TTLL7: variants seen among roughly 807,000 people sequenced by gnomAD.
TTLL7 encodes tubulin tyrosine ligase like 7.
Under a neutral mutation model 120.2 loss-of-function variants are expected in TTLL7, and 53 were observed. The observed-to-expected ratio is 0.44, with a 90% CI of 0.35 to 0.55. TTLL7 has a LOEUF of 0.55. TTLL7 is among the 20% of genes least tolerant of loss of function. The pLI is 0.00. For missense variants in TTLL7, 803 were observed against 1,054.7 expected (o/e 0.76, Z 3.31); for synonymous variants, 353 against 351.7 (o/e 1.00, Z -0.04).
chr1:83,941,601 T>G (rs1026109120), intron 7 of TTLL7, among the ~76,000 whole-genome samples: 1 of 152,146 alleles, frequency 6.6e-6, no homozygotes, highest in African/African-American at 2.4e-5. Context: ...GTGCATAATA[T>G]TAGGGGAAAA....
intron 1 of TTLL7, among the ~76,000 whole-genome samples, chr1:83,978,645 T>G (rs1415561158): frequency 6.6e-6 from 1 of 152,178 alleles, no homozygotes; most frequent in Non-Finnish European, 1.5e-5. Flanking sequence ...ACTCATTTAT[T>G]AAAAATTAGT....
chr1:83,970,269 T>C (rs1650854568), intron 1 of TTLL7, among the ~76,000 whole-genome samples: 1 of 152,072 alleles, frequency 6.6e-6, no homozygotes, highest in Non-Finnish European at 1.5e-5. Flanking sequence ...TAAATAAAAA[T>C]GTAAACTAAC....
At chr1:83,917,517 A>G (rs1389963836) in intron 14 of TTLL7, 87 bp downstream of exon 14, 1 of 983,814 alleles carries the variant, frequency 1.0e-6, no homozygotes, top group Non-Finnish European at 1.6e-6. Flanking sequence ...CCTTTTTTAA[A>G]GCAGCACCAG....
At chr1:83,879,778 C>T (rs1436778314) in intron 20 of TTLL7, 2 of 151,956 alleles carry the variant, frequency 1.3e-5, no homozygotes, top group Non-Finnish European at 1.5e-5. Flanking sequence ...AATCACAATA[C>T]TGGGCCATCC....
At chr1:83,946,578 C>T (rs1351462154) in intron 6 of TTLL7, among the ~76,000 whole-genome samples, 3 of 152,136 alleles carry the variant, frequency 2.0e-5, no homozygotes, top group Admixed American at 6.5e-5. Context: ...ATATTACTTA[C>T]ACATTCTATT....
chr1:83,970,396 G>A (rs752569499), intron 1 of TTLL7, among the ~76,000 whole-genome samples: 72 of 152,188 alleles, frequency 4.7e-4, no homozygotes, highest in African/African-American at 1.6e-3. Flanking sequence ...CCAAATGAGA[G>A]AAAATTAGGA....
chr1:83,982,407 TATATAA>T (rs938965004), intron 1 of TTLL7, among the ~76,000 whole-genome samples: 2 of 151,986 alleles, frequency 1.3e-5, no homozygotes, highest in Admixed American at 1.3e-4. Flanking sequence ...AAAAAAAACT[TATATAA>T]ATATAAGAAA....
chr1:83,883,655 T>G (rs1476674048), intron 19 of TTLL7, among the ~76,000 whole-genome samples: 1 of 152,050 alleles, frequency 6.6e-6, no homozygotes, highest in Non-Finnish European at 1.5e-5. Flanking sequence ...TATTAAGGTA[T>G]TTGTAAAATA....
rs1237498238 is a variant in TTLL7, at chr1:83,921,243, A to T, written c.1290+4T>A. On this transcript the variant is annotated splice_donor_region_variant and intron_variant, in intron 11 of 20. Coordinates refer to ENST00000260505, the MANE Select transcript of TTLL7 (RefSeq NM_024686.6). Reference sequence around the variant, plus strand: ...TTGTGGGTACTTTCTTAAAACTTTCATACCAACTCTTCTTTCCGCCTCTCC... The same window carrying T: ...TTGTGGGTACTTTCTTAAAACTTTCTTACCAACTCTTCTTTCCGCCTCTCC... The T allele has an allele frequency of 6.2e-7, 1 of 1,611,822 alleles. No homozygotes were observed. Among genetic ancestry groups the T allele is most frequent in the South Asian group, 1.1e-5 (1 of 90,616 alleles).
chr1:83,883,194 A>G, intron 19 of TTLL7, 58 bp from the exon 20 acceptor site: 1 of 1,410,058 alleles, frequency 7.1e-7, no homozygotes, highest in Non-Finnish European at 9.6e-7. Context: ...ACAACCAGCT[A>G]TATATCACTT....
At chr1:83,947,599 A>C (rs983353311) in intron 5 of TTLL7, 5 of 204,980 alleles carry the variant, frequency 2.4e-5, no homozygotes, top group South Asian at 9.8e-5. Context: ...AAGATAAATT[A>C]GTATCATCTC....
intron 6 of TTLL7, among the ~76,000 whole-genome samples, chr1:83,944,481 T>C (rs1257959958): frequency 6.6e-6 from 1 of 152,156 alleles, no homozygotes; most frequent in Admixed American, 6.5e-5. Flanking sequence ...CCAACATGTG[T>C]AGATCACCTG....
At chr1:83,880,532 C>A (rs1015938120) in intron 20 of TTLL7, among the ~76,000 whole-genome samples, 4 of 151,932 alleles carry the variant, frequency 2.6e-5, no homozygotes, top group African/African-American at 9.7e-5. Context: ...GTGTTTTTAA[C>A]AAAAGAAAAT....
At chr1:83,995,216 A>G (rs568786092) in intron 1 of TTLL7, among the ~76,000 whole-genome samples, 1 of 152,218 alleles carries the variant, frequency 6.6e-6, no homozygotes, top group South Asian at 2.1e-4. Flanking sequence ...CAAATATTCT[A>G]TAATCAACAT....
intron 3 of TTLL7, among the ~76,000 whole-genome samples, chr1:83,951,471 C>T (rs1649044707): frequency 6.6e-6 from 1 of 152,066 alleles, no homozygotes; most frequent in Non-Finnish European, 1.5e-5. Context: ...TTTTTCTTTA[C>T]ATTCATAAAT....
At chr1:83,969,543 C>T (rs1018367934) in intron 1 of TTLL7, among the ~76,000 whole-genome samples, 5 of 151,856 alleles carry the variant, frequency 3.3e-5, no homozygotes, top group African/African-American at 4.8e-5. Context: ...TAGACCATCA[C>T]TAAAGGGGAA....
chr1:83,895,312 TCA>T (rs1267277740), intron 18 of TTLL7, among the ~76,000 whole-genome samples: 15 of 152,040 alleles, frequency 9.9e-5, no homozygotes, highest in Non-Finnish European at 2.1e-4. Flanking sequence ...TGCAAGAAAG[TCA>T]CACCTATGTA....
At chr1:83,950,323 T>G (rs1195942426) in intron 3 of TTLL7, among the ~76,000 whole-genome samples, 1 of 152,160 alleles carries the variant, frequency 6.6e-6, no homozygotes, top group Non-Finnish European at 1.5e-5. Flanking sequence ...AATGTACTTT[T>G]TATAGCTTTT....
At chr1:83,922,906 C>T (rs1458862361) in intron 10 of TTLL7, among the ~76,000 whole-genome samples, 12 of 150,508 alleles carry the variant, frequency 8.0e-5, no homozygotes, top group African/African-American at 3.0e-4. Flanking sequence ...AGGGGAGCAA[C>T]AAAGGGATTA....
Sources: allele counts gnomAD v4.1 joint callset (sites outside exome capture counted in the v4.1 genomes callset), GRCh38; gene constraint gnomAD v4.1.1; transcripts MANE v1.5; gene names NCBI Gene and HGNC (gene_info 2026-07-23, HGNC 2026-07-21).